SCPEP1: variants seen among roughly 807,000 people sequenced by gnomAD.
The protein encoded by SCPEP1 is serine carboxypeptidase 1.
Under a neutral mutation model 63.8 loss-of-function variants are expected in SCPEP1, and 51 were observed. That is an observed-to-expected ratio of 0.80 (90% CI 0.64 to 1.01). The LOEUF (loss-of-function observed/expected upper bound fraction) is 1.01. SCPEP1 is among the 50% of genes least tolerant of loss of function. The pLI is 0.00. For synonymous variants in SCPEP1, 204 were observed against 207.8 expected, an observed-to-expected ratio of 0.98 and a Z score of 0.16; for missense variants, 499 against 554.9, an observed-to-expected ratio of 0.90 and a Z score of 1.01.
At chr17:57,005,261 A>C (rs1194943273) in intron 12 of SCPEP1, among the ~76,000 whole-genome samples, 1 of 152,160 alleles carries the variant, frequency 6.6e-6, no homozygotes, top group Non-Finnish European at 1.5e-5. Context: ...CCTAGAGAGA[A>C]GTCCCTGACG....
At chr17:57,003,737 G>A (rs1253686246) in intron 12 of SCPEP1, among the ~76,000 whole-genome samples, 1 of 152,190 alleles carries the variant, frequency 6.6e-6, no homozygotes, top group Non-Finnish European at 1.5e-5. Flanking sequence ...AAACGTGAGT[G>A]ATGATGTGCT....
rs561862080 is a variant in SCPEP1 at position 56,989,282 on chromosome 17, A to T, written c.546+992A>T. On this transcript the variant is annotated intron_variant, in intron 5 of 12. Coordinates refer to ENST00000262288, the MANE Select transcript of SCPEP1 (RefSeq NM_021626.3). ...GAAGAAATATAAACAGCCTTTAGAC[A>T]TAAGAAAAATCTTCAGCTTTTATTA... Among the ~76,000 whole-genome samples the T allele has an allele frequency of 8.5e-5, 13 of 152,368 alleles. No individual in the cohort carries two copies. In the East Asian group the frequency reaches 2.5e-3, roughly 29 times the overall value.
At chr17:56,985,522 T>C in intron 3 of SCPEP1, 55 bp downstream of exon 3, 3 of 1,316,176 alleles carry the variant, frequency 2.3e-6, no homozygotes, top group South Asian at 1.2e-5. Context: ...TCAGAGGCCC[T>C]GCCCAACTCT....
intron 1 of SCPEP1, among the ~76,000 whole-genome samples, chr17:56,978,806 A>G (rs1238268840): frequency 6.6e-6 from 1 of 152,140 alleles, no homozygotes; most frequent in Non-Finnish European, 1.5e-5. Flanking sequence ...TGAGAATTGG[A>G]ACTGGCCACA....
intron 10 of SCPEP1, among the ~76,000 whole-genome samples, chr17:56,999,198 G>A (rs76222723): frequency 0.011 from 1,607 of 152,202 alleles, 33 homozygotes; most frequent in African/African-American, 0.037. Flanking sequence ...CGCGCCAAAG[G>A]TCCTTGCAGG....
At chr17:56,991,014 C>A (rs1911379606) in intron 5 of SCPEP1, 85 bp from the exon 6 acceptor site, 1 of 986,322 alleles carries the variant, frequency 1.0e-6, no homozygotes, top group Non-Finnish European at 1.6e-6. Context: ...TCAAGCGATC[C>A]TCCTGCCTAA....
chr17:56,987,544 T>A, intron 3 of SCPEP1, 151 bp from the exon 4 acceptor site: 2 of 684,152 alleles, frequency 2.9e-6, no homozygotes, highest in East Asian at 6.0e-5. Flanking sequence ...CTGTCCCTTA[T>A]TTTTAAAAAT....
chr17:56,987,436 G>A (rs556304872), intron 3 of SCPEP1: 17 of 366,624 alleles, frequency 4.6e-5, no homozygotes, highest in South Asian at 8.6e-5. Flanking sequence ...TTTGATCCCC[G>A]TGTGTGTTAA....
At chr17:56,999,859 G>A (rs907950867) in intron 10 of SCPEP1, among the ~76,000 whole-genome samples, 1 of 152,108 alleles carries the variant, frequency 6.6e-6, no homozygotes, top group Non-Finnish European at 1.5e-5. Context: ...GCACATGCCT[G>A]TAATCCCAGC....
chr17:56,981,305 CT>C, intron 2 of SCPEP1, 75 bp downstream of exon 2: 2 of 1,551,680 alleles, frequency 1.3e-6, no homozygotes, highest in Non-Finnish European at 1.8e-6. Context: ...GCTTTTTGGG[CT>C]GATGTCTCAG....
intron 11 of SCPEP1, 72 bp from the exon 12 acceptor site, chr17:57,001,946 T>C: frequency 6.6e-7 from 1 of 1,514,192 alleles, no homozygotes; most frequent in Non-Finnish European, 8.9e-7. Flanking sequence ...GCACCAACTT[T>C]TAGGACCTAG....
At chr17:56,986,148 T>G (rs868616774) in intron 3 of SCPEP1, among the ~76,000 whole-genome samples, 1 of 152,126 alleles carries the variant, frequency 6.6e-6, no homozygotes, top group Middle Eastern at 3.5e-3. Context: ...CACCTATTGC[T>G]ATGAATGTTC....
At position 57,000,946 on chromosome 17, in the gene SCPEP1, C is replaced by T. The variant is rs780310269; in HGVS notation, c.1086C>T (p.Asn362=). 1.2e-5 allele frequency: 19 copies of T among 1,614,096 alleles called. 2 individuals are homozygous for T. The Middle Eastern group carries it at 4.9e-4, about 42-fold the overall frequency. The part of the protein sequence containing the change: ...IVDELLEAGI[N]VTVYNGQLDL... ...ACGAGTTGCTGGAGGCAGGGATCAACGTGACGGTGTATAATGGACAGCTGG... is the reference window on the plus strand; with the variant it reads ...ACGAGTTGCTGGAGGCAGGGATCAATGTGACGGTGTATAATGGACAGCTGG... The change falls in exon 11 of 13, where the codon AAC becomes AAT. Residue 362 remains asparagine, a synonymous_variant. Coordinates refer to ENST00000262288, the MANE Select transcript of SCPEP1 (RefSeq NM_021626.3).
At chr17:56,989,987 G>A (rs915112144) in intron 5 of SCPEP1, among the ~76,000 whole-genome samples, 2 of 152,056 alleles carry the variant, frequency 1.3e-5, no homozygotes, top group African/African-American at 2.4e-5. Context: ...TGAGGTAGGA[G>A]GATTGCTTGA....
intron 2 of SCPEP1, chr17:56,984,660 C>T (rs1405824016): frequency 6.6e-6 from 1 of 152,342 alleles, no homozygotes. Flanking sequence ...AGTCTGGGTC[C>T]CTTATCAATC....
chr17:56,983,811 G>T (rs1290001783), intron 2 of SCPEP1: 2 of 149,124 alleles, frequency 1.3e-5, no homozygotes, highest in Non-Finnish European at 3.0e-5. Context: ...TTACCCTTTA[G>T]CCCTGACTCT....
chr17:57,005,843 C>T (rs1363317895), intron 12 of SCPEP1, among the ~76,000 whole-genome samples: 3 of 152,204 alleles, frequency 2.0e-5, no homozygotes, highest in African/African-American at 7.2e-5. Context: ...AATCTTCCTT[C>T]TTCCTTGAAC....
intron 4 of SCPEP1, 48 bp downstream of exon 4, chr17:56,987,898 C>G (rs2144483743): frequency 1.3e-6 from 2 of 1,596,564 alleles, no homozygotes; most frequent in Non-Finnish European, 1.7e-6. Context: ...GCAATATCAA[C>G]TCTACATCCA....
At chr17:56,996,206 T>C (rs917490045) in intron 8 of SCPEP1, among the ~76,000 whole-genome samples, 16 of 151,930 alleles carry the variant, frequency 1.1e-4, no homozygotes, top group Admixed American at 1.0e-3. Flanking sequence ...TCTTTTTTCC[T>C]CTATTTATTT....
Sources: gnomAD v4.1 joint callset for allele counts (sites outside exome capture counted in the v4.1 genomes callset) on GRCh38, gnomAD v4.1.1 for gene constraint, MANE v1.5 for transcripts, NCBI Gene and HGNC (gene_info 2026-07-23, HGNC 2026-07-21) for gene names.